Variants in MCTP1 observed in about 807,000 individuals in gnomAD.
MCTP1 encodes the protein multiple C2 and transmembrane domain containing 1.
A neutral mutation model predicts 120.6 loss-of-function variants in MCTP1; 69 were observed. That is an observed-to-expected ratio of 0.57 (90% CI 0.47 to 0.70). The LOEUF is 0.70. Ranked by LOEUF, MCTP1 falls within the 30% of genes least tolerant of loss-of-function variation. MCTP1 has a pLI of 0.00. For synonymous variants in MCTP1, 529 were observed against 493.1 expected (o/e 1.07, Z -0.96); for missense variants, 1,203 against 1,248.8 (o/e 0.96, Z 0.55).
At chr5:94,827,463 C>T (rs1409768701) in intron 17 of MCTP1, among the ~76,000 whole-genome samples, 1 of 152,074 alleles carries the variant, frequency 6.6e-6, no homozygotes, top group African/African-American at 2.4e-5. Flanking sequence ...TTGCTCTTCT[C>T]GAGGAGTATC....
intron 3 of MCTP1, among the ~76,000 whole-genome samples, chr5:94,952,565 A>G (rs1487105760): frequency 6.6e-6 from 1 of 152,186 alleles, no homozygotes; most frequent in Non-Finnish European, 1.5e-5. Flanking sequence ...CACTGAATGA[A>G]CAGTCAGAGC....
chr5:95,131,434 G>A (rs1398415651), intron 1 of MCTP1, among the ~76,000 whole-genome samples: 1 of 152,136 alleles, frequency 6.6e-6, no homozygotes, highest in Admixed American at 6.5e-5. Flanking sequence ...CTTACTCACT[G>A]GATCAAAAGA....
intron 1 of MCTP1, among the ~76,000 whole-genome samples, chr5:95,072,091 G>GTGTGTGTGTGTGTGTT: frequency 6.6e-6 from 1 of 151,574 alleles, no homozygotes; most frequent in African/African-American, 2.4e-5. Flanking sequence ...CTGTGTGTGT[G>GTGTGTGTGTGTGTGTT]TGTGTGTGTG....
chr5:94,939,641 C>T (rs1289313467), intron 5 of MCTP1, among the ~76,000 whole-genome samples: 1 of 151,958 alleles, frequency 6.6e-6, no homozygotes, highest in Non-Finnish European at 1.5e-5. Context: ...TTATCATTCA[C>T]TAAACAAATA....
intron 1 of MCTP1, among the ~76,000 whole-genome samples, chr5:95,064,189 C>G (rs373955693): frequency 1.1e-4 from 16 of 152,224 alleles, no homozygotes; most frequent in Non-Finnish European, 2.1e-4. Context: ...AATTGATAAT[C>G]AAGCACAACT....
chr5:95,018,069 C>T (rs577861274), intron 1 of MCTP1, among the ~76,000 whole-genome samples: 1 of 152,018 alleles, frequency 6.6e-6, no homozygotes, highest in African/African-American at 2.4e-5. Context: ...GTGCTGTTTT[C>T]TATGGAATAA....
chr5:95,243,011 C>A (rs394273), intron 1 of MCTP1, among the ~76,000 whole-genome samples: 130,294 of 152,162 alleles, frequency 0.86, 55,851 homozygotes, highest in African/African-American at 0.89. Flanking sequence ...CATGTGAATC[C>A]ATAAGCAAGA....
chr5:95,068,752 C>T (rs1308320790), intron 1 of MCTP1: 1 of 1,244,110 alleles, frequency 8.0e-7, no homozygotes, highest in African/African-American at 1.6e-5. Context: ...CGAGCTAACA[C>T]ACTTTGTCAG....
At chr5:94,872,465 C>T (rs1183764221) in intron 13 of MCTP1, among the ~76,000 whole-genome samples, 1 of 151,410 alleles carries the variant, frequency 6.6e-6, no homozygotes, top group Non-Finnish European at 1.5e-5. Flanking sequence ...TTTTCATATA[C>T]AAAAAAATAG....
chr5:95,043,038 G>A (rs1842605984), intron 1 of MCTP1, among the ~76,000 whole-genome samples: 1 of 152,058 alleles, frequency 6.6e-6, no homozygotes, highest in Admixed American at 6.6e-5. Flanking sequence ...AGGATTCTAT[G>A]TTTTCAATTT....
chr5:94,738,484 C>T (rs1764779572), intron 19 of MCTP1, among the ~76,000 whole-genome samples: 1 of 152,178 alleles, frequency 6.6e-6, no homozygotes, highest in African/African-American at 2.4e-5. Context: ...ACACACATCA[C>T]ACTCACCAGC....
intron 17 of MCTP1, among the ~76,000 whole-genome samples, chr5:94,863,701 A>G (rs1332161398): frequency 6.6e-6 from 1 of 151,868 alleles, no homozygotes; most frequent in Non-Finnish European, 1.5e-5. Flanking sequence ...ATAGCAGCAG[A>G]CTTTCTGCAC....
intron 2 of MCTP1, among the ~76,000 whole-genome samples, chr5:95,001,942 A>C (rs1833812221): frequency 6.6e-6 from 1 of 152,078 alleles, no homozygotes; most frequent in African/African-American, 2.4e-5. Flanking sequence ...AGGAGGCAAA[A>C]ATTATTTCAT....
At chr5:95,168,163 C>T (rs1746688978) in intron 1 of MCTP1, among the ~76,000 whole-genome samples, 1 of 152,184 alleles carries the variant, frequency 6.6e-6, no homozygotes, top group African/African-American at 2.4e-5. Flanking sequence ...ATCCTTTCCC[C>T]ATTTCCTGTT....
chr5:95,031,320 A>C (rs1180063908), intron 1 of MCTP1, among the ~76,000 whole-genome samples: 3 of 152,120 alleles, frequency 2.0e-5, no homozygotes, highest in African/African-American at 7.2e-5. Context: ...CACCCCCAAG[A>C]CATAGAGTCG....
At chr5:94,821,606 C>G (rs1408738366) in intron 17 of MCTP1, among the ~76,000 whole-genome samples, 1 of 152,070 alleles carries the variant, frequency 6.6e-6, no homozygotes, top group Non-Finnish European at 1.5e-5. Context: ...AAATAAAAAG[C>G]CTACACTTAT....
At position 94,912,815 on chromosome 5, in the gene MCTP1, G is replaced by C; in HGVS notation, c.1512C>G (p.Tyr504Ter). The stretch of plus-strand genomic sequence containing the variant: ...ATAGAGACAAGGTTACCTTGCTCTT[G>C]TACTTCTGATGCCCAAGCCGGAACT... ...YVKFRLGHQK[Y>*]KSKIMPKTLN... The change falls in exon 9 of 23, where the codon TAC becomes TAG. Residue 504 changes from tyrosine to a stop codon, truncating the protein, a stop_gained. Transcript: ENST00000515393. LOFTEE classifies it high-confidence loss of function. The C allele has an allele frequency of 6.4e-7, 1 of 1,573,386 alleles. No homozygotes were observed. The highest frequency in any genetic ancestry group is 1.2e-5 in the South Asian group (1 of 84,382).
At chr5:95,052,973 C>A (rs775143042) in intron 1 of MCTP1, among the ~76,000 whole-genome samples, 1 of 152,000 alleles carries the variant, frequency 6.6e-6, no homozygotes, top group Non-Finnish European at 1.5e-5. Flanking sequence ...CACTTTATAC[C>A]CCTTTACCTT....
intron 1 of MCTP1, among the ~76,000 whole-genome samples, chr5:95,205,346 C>CA (rs1189047476): frequency 1.3e-5 from 2 of 151,944 alleles, no homozygotes; most frequent in African/African-American, 4.8e-5. Context: ...AAAATTAACT[C>CA]AAAATACATC....
Sources: allele counts gnomAD v4.1 joint callset (sites outside exome capture counted in the v4.1 genomes callset), GRCh38; gene constraint gnomAD v4.1.1; transcripts MANE v1.5; gene names NCBI Gene and HGNC (gene_info 2026-07-23, HGNC 2026-07-21).